Variants in ABTB3 observed in about 807,000 individuals in gnomAD.
The protein encoded by ABTB3 is ankyrin repeat and BTB domain containing 3, also known as ankyrin repeat- and BTB/POZ domain-containing protein 3.
chr12:107,596,418 G>A, the ABTB3 span, among the ~76,000 whole-genome samples: 2 of 152,164 alleles, frequency 1.3e-5, no homozygotes, highest in Non-Finnish European at 2.9e-5. Flanking sequence ...TTCAAGACCA[G>A]CCTGGCCAAC....
chr12:107,469,984 CTTTCTTTCTTTCTT>C, the ABTB3 span, among the ~76,000 whole-genome samples: 1 of 90,548 alleles, frequency 1.1e-5, no homozygotes, highest in African/African-American at 6.4e-5. Context: ...TTCTTTCTTT[CTTTCTTTCTTTCTT>C]TCTTTCTTTC....
the ABTB3 span, among the ~76,000 whole-genome samples, chr12:107,529,215 A>T: frequency 6.7e-6 from 1 of 148,172 alleles, no homozygotes; most frequent in African/African-American, 2.5e-5. Context: ...GATGATGGAG[A>T]TGATGATGGT....
At chr12:107,485,812 C>T in the ABTB3 span, among the ~76,000 whole-genome samples, 3 of 152,150 alleles carry the variant, frequency 2.0e-5, no homozygotes, top group African/African-American at 7.2e-5. Flanking sequence ...TTAGGGTCAT[C>T]TAAAGAAATG....
the ABTB3 span, among the ~76,000 whole-genome samples, chr12:107,620,959 G>T: frequency 6.6e-6 from 1 of 152,166 alleles, no homozygotes; most frequent in African/African-American, 2.4e-5. Flanking sequence ...GTCTACTACG[G>T]AGCCTGGGAA....
At chr12:107,337,638 T>C in the ABTB3 span, among the ~76,000 whole-genome samples, 3 of 152,196 alleles carry the variant, frequency 2.0e-5, no homozygotes, top group Admixed American at 1.3e-4. Context: ...ATGTAGGGGC[T>C]GAGGTTCCCA....
chr12:107,413,624 A>C, the ABTB3 span, among the ~76,000 whole-genome samples: 1,240 of 152,324 alleles, frequency 8.1e-3, 8 homozygotes, highest in Non-Finnish European at 0.013. Context: ...ATGTAAAAAA[A>C]AAGAAAAAAA....
At chr12:107,520,249 A>C in the ABTB3 span, 1 of 985,306 alleles carries the variant, frequency 1.0e-6, no homozygotes, top group Non-Finnish European at 1.2e-6. Context: ...ATGTGTATGT[A>C]CAGACGAATG....
the ABTB3 span, among the ~76,000 whole-genome samples, chr12:107,506,893 G>A: frequency 6.6e-6 from 1 of 152,210 alleles, no homozygotes; most frequent in African/African-American, 2.4e-5. Flanking sequence ...ACTAATAATA[G>A]GGGTTACCTC....
At chr12:107,625,769 G>A in the ABTB3 span, among the ~76,000 whole-genome samples, 16 of 152,028 alleles carry the variant, frequency 1.1e-4, no homozygotes, top group Non-Finnish European at 1.5e-5. Context: ...GTCAGGGGGT[G>A]GGGGCAATAC....
At chr12:107,581,977 C>T in the ABTB3 span, among the ~76,000 whole-genome samples, 1 of 152,220 alleles carries the variant, frequency 6.6e-6, no homozygotes, top group Non-Finnish European at 1.5e-5. Flanking sequence ...CGACTCCCCC[C>T]ACTCCCAGCT....
chr12:107,654,172 T>C, the ABTB3 span, among the ~76,000 whole-genome samples: 1 of 150,490 alleles, frequency 6.6e-6, no homozygotes, highest in African/African-American at 2.4e-5. Context: ...ATATTTTGTT[T>C]ATTCATTCAC....
the ABTB3 span, chr12:107,520,448 C>A: frequency 6.3e-7 from 1 of 1,598,972 alleles, no homozygotes; most frequent in Non-Finnish European, 8.5e-7. Context: ...AAATAACAAT[C>A]TGTTTTCCTT....
At chr12:107,619,637 C>T in the ABTB3 span, among the ~76,000 whole-genome samples, 4,319 of 152,150 alleles carry the variant, frequency 0.028, 75 homozygotes, top group Non-Finnish European at 0.043. Flanking sequence ...CTCAGAATCC[C>T]GAAGTATGGA....
the ABTB3 span, among the ~76,000 whole-genome samples, chr12:107,362,829 C>T: frequency 1.3e-4 from 20 of 152,068 alleles, no homozygotes; most frequent in Non-Finnish European, 2.5e-4. Context: ...CTGAGCACTA[C>T]GCTAGACATT....
At chr12:107,595,023 C>A in the ABTB3 span, among the ~76,000 whole-genome samples, 2 of 151,916 alleles carry the variant, frequency 1.3e-5, no homozygotes, top group African/African-American at 4.8e-5. Context: ...TTCTGTGTGA[C>A]AGCCAAAAAT....
At chr12:107,516,388 A>G in the ABTB3 span, among the ~76,000 whole-genome samples, 2 of 151,898 alleles carry the variant, frequency 1.3e-5, no homozygotes, top group Non-Finnish European at 2.9e-5. Flanking sequence ...CCACCACCAC[A>G]GCCAGCTAAT....
At chr12:107,649,415 G>A in the ABTB3 span, 15 of 779,842 alleles carry the variant, frequency 1.9e-5, no homozygotes, top group African/African-American at 2.6e-4. Context: ...TGGGGCTCTT[G>A]TTCCTTCCTG....
the ABTB3 span, chr12:107,544,270 G>T: frequency 3.1e-6 from 3 of 962,012 alleles, no homozygotes; most frequent in Admixed American, 7.5e-5. Context: ...GGTCCCGGTG[G>T]GAACCTTGCA....
the ABTB3 span, among the ~76,000 whole-genome samples, chr12:107,323,069 G>T: frequency 6.6e-6 from 1 of 152,214 alleles, no homozygotes; most frequent in African/African-American, 2.4e-5. Context: ...CTATTGTACT[G>T]TATTATACAA....
Sources: allele counts gnomAD v4.1 joint callset (sites outside exome capture counted in the v4.1 genomes callset), GRCh38; gene constraint gnomAD v4.1.1; transcripts MANE v1.5; gene names NCBI Gene and HGNC (gene_info 2026-07-23, HGNC 2026-07-21).